Variants in LRRC8D observed in about 807,000 individuals in gnomAD.
The protein encoded by LRRC8D is leucine rich repeat containing 8 VRAC subunit D.
Under a neutral mutation model 55.8 loss-of-function variants are expected in LRRC8D, and 20 were observed. The ratio of observed to expected loss-of-function variants is 0.36; its 90% CI spans 0.25 to 0.52. The LOEUF (loss-of-function observed/expected upper bound fraction) is 0.52, where lower values mean the gene tolerates loss of function less well. LRRC8D is among the 20% of genes least tolerant of loss of function. The pLI, the probability that LRRC8D is intolerant of heterozygous loss-of-function variation, is 0.93. For missense variants in LRRC8D, 651 were observed against 1,030.8 expected, an observed-to-expected ratio of 0.63 and a Z score of 5.05; for synonymous variants, 352 against 377.0, an observed-to-expected ratio of 0.93 and a Z score of 0.77.
chr1:89,823,372 G>C (rs1660686342), intron 1 of LRRC8D, among the ~76,000 whole-genome samples: 1 of 151,912 alleles, frequency 6.6e-6, no homozygotes, highest in South Asian at 2.1e-4. Context: ...AAAAAACTAG[G>C]CCCCTTTTCC....
In LRRC8D at chr1:89,933,606, A is replaced by G; in HGVS notation, c.538A>G (p.Ser180Gly). Reference sequence around the variant, plus strand: ...ACATACTATTATTCTCATGGTCAGTAGCAACTTTTGGTTCAAATATCCCAA... The same window carrying G: ...ACATACTATTATTCTCATGGTCAGTGGCAACTTTTGGTTCAAATATCCCAA... ...LIHTIILMVS[S>G]NFWFKYPKTC... The change falls in exon 3 of 3, where the codon AGC becomes GGC. Residue 180 changes from serine (S) to glycine (G), a missense_variant. Ser to Gly is a moderately conservative substitution (Grantham distance 56, BLOSUM62 0). Around this residue, in one of 5 missense-constraint regions of LRRC8D, gnomAD observed 178 missense variants for 374.9 expected, o/e 0.47. Transcript: ENST00000337338. This position sits in a 1 kb window ranked among gnomAD's most constrained non-coding sequence, Gnocchi z 7.0. The G allele has an allele frequency of 6.2e-7, 1 of 1,614,198 alleles. No individual in the cohort carries two copies.
chr1:89,870,752 T>C (rs1197654831), intron 2 of LRRC8D, among the ~76,000 whole-genome samples: 1 of 152,158 alleles, frequency 6.6e-6, no homozygotes, highest in East Asian at 1.9e-4. Flanking sequence ...ACATTGTCTA[T>C]AAGATGCTTC....
chr1:89,874,392 C>G (rs1243577253), intron 2 of LRRC8D, among the ~76,000 whole-genome samples: 1 of 151,708 alleles, frequency 6.6e-6, no homozygotes. Context: ...TCTATGACCT[C>G]GAAGTGTGAA....
At chr1:89,844,066 G>C (rs896263299) in intron 2 of LRRC8D, among the ~76,000 whole-genome samples, 1 of 152,228 alleles carries the variant, frequency 6.6e-6, no homozygotes, top group African/African-American at 2.4e-5. Context: ...GCCAGTGCTC[G>C]GGGAGTCTTC....
chr1:89,898,833 G>A (rs908040632), intron 2 of LRRC8D, among the ~76,000 whole-genome samples: 4 of 152,176 alleles, frequency 2.6e-5, no homozygotes, highest in African/African-American at 9.7e-5. Context: ...GTGCAGAAAG[G>A]GCTGGAAAAT....
At chr1:89,885,761 G>A (rs549145615) in intron 2 of LRRC8D, among the ~76,000 whole-genome samples, 2 of 152,294 alleles carry the variant, frequency 1.3e-5, no homozygotes, top group East Asian at 1.9e-4. Context: ...TGAAGACCTG[G>A]TGTGCAAAGA....
At chr1:89,840,447 A>G (rs1166901273) in intron 1 of LRRC8D, among the ~76,000 whole-genome samples, 1 of 152,192 alleles carries the variant, frequency 6.6e-6, no homozygotes, top group Non-Finnish European at 1.5e-5. Flanking sequence ...ATTTTTGATA[A>G]GGAGGAGGGT....
chr1:89,912,461 A>G (rs1002770760), intron 2 of LRRC8D, among the ~76,000 whole-genome samples: 1 of 139,716 alleles, frequency 7.2e-6, no homozygotes, highest in Non-Finnish European at 1.5e-5. Context: ...TTGTTCTCCA[A>G]TATTCTGAGA....
chr1:89,883,798 G>A (rs1662341321), intron 2 of LRRC8D, among the ~76,000 whole-genome samples: 1 of 152,180 alleles, frequency 6.6e-6, no homozygotes, highest in Admixed American at 6.5e-5. Flanking sequence ...CGTCTCTTAG[G>A]ACCCTAATTA....
chr1:89,831,306 C>T (rs550112003), intron 1 of LRRC8D, among the ~76,000 whole-genome samples: 3 of 152,238 alleles, frequency 2.0e-5, no homozygotes, highest in South Asian at 2.1e-4. Flanking sequence ...CAAAGCAACC[C>T]GCAAGCCCCG....
At chr1:89,862,736 T>C (rs1428678730) in intron 2 of LRRC8D, among the ~76,000 whole-genome samples, 1 of 152,200 alleles carries the variant, frequency 6.6e-6, no homozygotes, top group Non-Finnish European at 1.5e-5. Context: ...CCAGAGCACA[T>C]GTTCATAATT....
At chr1:89,899,907 A>G (rs1662808486) in intron 2 of LRRC8D, among the ~76,000 whole-genome samples, 1 of 152,244 alleles carries the variant, frequency 6.6e-6, no homozygotes, top group African/African-American at 2.4e-5. Flanking sequence ...TATGTGTGAT[A>G]AAGTCTTACA....
At chr1:89,903,976 T>C (rs1017826375) in intron 2 of LRRC8D, among the ~76,000 whole-genome samples, 1 of 152,182 alleles carries the variant, frequency 6.6e-6, no homozygotes, top group African/African-American at 2.4e-5. Context: ...AAAGTCATTG[T>C]TTTCGCCTTT....
At chr1:89,833,549 A>C (rs1446440206) in intron 1 of LRRC8D, 1 of 152,232 alleles carries the variant, frequency 6.6e-6, no homozygotes, top group African/African-American at 2.4e-5. Flanking sequence ...AGCTTAAAAG[A>C]CTTGAGTTCT....
chr1:89,919,299 G>C (rs1414973262), intron 2 of LRRC8D, among the ~76,000 whole-genome samples: 1 of 152,130 alleles, frequency 6.6e-6, no homozygotes, highest in Non-Finnish European at 1.5e-5. Context: ...CCAGCAATCT[G>C]TACCAAACCA....
chr1:89,822,114 A>C (rs1660650823), intron 1 of LRRC8D: 1 of 152,536 alleles, frequency 6.6e-6, no homozygotes, highest in African/African-American at 2.4e-5. Flanking sequence ...CTTGCAGATA[A>C]ATGAGATTTT....
Position 89,908,643 on chromosome 1 carries a change from A to G in LRRC8D, c.-2-24424A>G, listed in dbSNP as rs530982816. Among the ~76,000 whole-genome samples, 5 of 152,358 alleles carry G rather than the reference A, an allele frequency of 3.3e-5. No homozygotes were observed. The South Asian group carries it at 1.0e-3, about 32-fold the overall frequency. ...ATGTATGTGTGTTGAAATGCTAGTCAGGTTTTTCATTTTATCAAAATGCAG... is the reference window on the plus strand; with the variant it reads ...ATGTATGTGTGTTGAAATGCTAGTCGGGTTTTTCATTTTATCAAAATGCAG... On this transcript the variant is annotated intron_variant, in intron 2 of 2. Coordinates refer to ENST00000337338, the MANE Select transcript of LRRC8D (RefSeq NM_001134479.2).
Position 89,934,500 on chromosome 1 carries a change from A to T in LRRC8D, c.1432A>T (p.Met478Leu), listed in dbSNP as rs750465884. Residue 478 changes from methionine (M) to leucine (L), a missense_variant, in exon 3 of 3, where the codon ATG (methionine) becomes TTG (leucine). This residue lies in a region of LRRC8D where 338 missense variants were observed against 479.4 expected (regional missense o/e 0.71). Coordinates refer to ENST00000337338, the MANE Select transcript of LRRC8D (RefSeq NM_001134479.2). This position sits in a 1 kb window ranked among gnomAD's most constrained non-coding sequence, Gnocchi z 5.9. ...GGACAAGCAGGAGTTGCATCTGTTC[A>T]TGCTGTCGGGGGTGCCCGATGCTGT... ...AQDKQELHLF[M>L]LSGVPDAVFD... 3.1e-6 allele frequency: 5 copies of T among 1,614,064 alleles called. No individual in the cohort carries two copies. The highest frequency in any genetic ancestry group is 1.3e-5 in the African/African-American group (1 of 74,926).
intron 2 of LRRC8D, among the ~76,000 whole-genome samples, chr1:89,864,800 C>G (rs527396159): frequency 6.6e-6 from 1 of 152,148 alleles, no homozygotes; most frequent in African/African-American, 2.4e-5. Flanking sequence ...TACCTACCCC[C>G]GACCCCTCAC....
Sources: gnomAD v4.1 joint callset for allele counts (sites outside exome capture counted in the v4.1 genomes callset) on GRCh38, gnomAD v4.1.1 for gene constraint, gnomAD v4.1.1 regional missense constraint, Gnocchi (gnomAD v3.1) non-coding constraint, MANE v1.5 for transcripts, NCBI Gene and HGNC (gene_info 2026-07-23, HGNC 2026-07-21) for gene names.